The following SLIT3 variants were observed in gnomAD, a reference collection of about 807,000 sequenced individuals.
The protein encoded by SLIT3 is slit homolog 3 protein.
Under a neutral mutation model 184.0 loss-of-function variants are expected in SLIT3, and 68 were observed. The observed-to-expected ratio is 0.37, with a 90% CI of 0.30 to 0.45. The LOEUF (loss-of-function observed/expected upper bound fraction) is 0.45, where lower values mean the gene tolerates loss of function less well. Among genes scored for constraint, SLIT3 ranks in the 20% least tolerant of loss-of-function variants. SLIT3 has a pLI of 1.00. For missense variants in SLIT3, 1,707 were observed against 2,026.0 expected (o/e 0.84, Z 3.02); for synonymous variants, 831 against 828.6 (o/e 1.00, Z -0.05).
intron 1 of SLIT3, among the ~76,000 whole-genome samples, chr5:169,271,042 C>T (rs939497816): frequency 6.6e-6 from 1 of 152,194 alleles, no homozygotes; most frequent in African/African-American, 2.4e-5. Context: ...GGGCATCGTT[C>T]AACAGTATAC....
chr5:169,055,748 T>G (rs1757979131), intron 4 of SLIT3, among the ~76,000 whole-genome samples: 1 of 151,782 alleles, frequency 6.6e-6, no homozygotes, highest in Non-Finnish European at 1.5e-5. Context: ...AGAGAATGGT[T>G]TGAACCCGGG....
At chr5:168,686,946 C>G (rs762221414) in intron 30 of SLIT3, 33 bp downstream of exon 30, 1 of 1,604,164 alleles carries the variant, frequency 6.2e-7, no homozygotes, top group East Asian at 2.2e-5. Context: ...CTGGCCCAGG[C>G]TGTCTCCTTC....
intron 2 of SLIT3, among the ~76,000 whole-genome samples, chr5:169,249,584 T>C (rs1765706043): frequency 6.7e-6 from 1 of 149,986 alleles, no homozygotes; most frequent in African/African-American, 2.5e-5. Flanking sequence ...CTCTCACAGA[T>C]GCAGGGGAAA....
intron 30 of SLIT3, among the ~76,000 whole-genome samples, chr5:168,686,278 C>T (rs1036863831): frequency 6.6e-6 from 1 of 152,098 alleles, no homozygotes; most frequent in South Asian, 2.1e-4. Flanking sequence ...GTAGAGGTCC[C>T]TAAACTTCAG....
rs115492346 is a variant in SLIT3, at chr5:168,881,285, G to A, written c.485+1980C>T. 6.8e-3 allele frequency among the ~76,000 whole-genome samples: 1,037 copies of A among 152,268 alleles called. 12 individuals are homozygous for A. Among genetic ancestry groups the A allele is most frequent in the African/African-American group, 0.023 (975 of 41,532 alleles). ...ACCTTTCAAGTCCTGAGGCCTTTGC[G>A]TAGTTAGAGATATTGTAAGAGGGGA... On this transcript the variant is annotated intron_variant, in intron 5 of 35. Transcript: ENST00000519560.
chr5:168,828,764 C>G (rs1757786460), intron 6 of SLIT3, among the ~76,000 whole-genome samples: 1 of 152,032 alleles, frequency 6.6e-6, no homozygotes, highest in Non-Finnish European at 1.5e-5. Flanking sequence ...GAATCAGGAA[C>G]CCTGGGGTGG....
intron 3 of SLIT3, among the ~76,000 whole-genome samples, chr5:169,202,611 G>A (rs548724527): frequency 5.3e-5 from 8 of 152,284 alleles, no homozygotes; most frequent in African/African-American, 1.9e-4. Context: ...AGGGAGGATA[G>A]AAACAAGGAA....
At chr5:168,894,781 G>A (rs752665066) in intron 4 of SLIT3, among the ~76,000 whole-genome samples, 3 of 152,156 alleles carry the variant, frequency 2.0e-5, no homozygotes, top group Non-Finnish European at 2.9e-5. Flanking sequence ...GCCTGACAGC[G>A]TTTCATCTCC....
At chr5:169,204,000 T>A (rs1713519837) in intron 3 of SLIT3, among the ~76,000 whole-genome samples, 1 of 151,958 alleles carries the variant, frequency 6.6e-6, no homozygotes, top group African/African-American at 2.4e-5. Flanking sequence ...TAGAGAGATG[T>A]AGGTGGTAAT....
chr5:168,776,733 G>A (rs1328024352), intron 12 of SLIT3, among the ~76,000 whole-genome samples: 1 of 152,134 alleles, frequency 6.6e-6, no homozygotes, highest in East Asian at 1.9e-4. Flanking sequence ...GGCATTTGAA[G>A]GAAATGTGAT....
At chr5:168,883,166 G>T (rs1306147495) in intron 5 of SLIT3, 99 bp downstream of exon 5, 2 of 865,542 alleles carry the variant, frequency 2.3e-6, no homozygotes, top group East Asian at 4.9e-5. Context: ...CATCTCTGAA[G>T]GCACCTGGAC....
At chr5:169,134,627 C>T (rs1761432651) in intron 4 of SLIT3, among the ~76,000 whole-genome samples, 1 of 152,142 alleles carries the variant, frequency 6.6e-6, no homozygotes, top group Non-Finnish European at 1.5e-5. Context: ...GGAGGGATAG[C>T]ATTAGGAGAA....
chr5:168,726,424 G>A (rs1448752110), intron 20 of SLIT3, among the ~76,000 whole-genome samples: 1 of 58,918 alleles, frequency 1.7e-5, no homozygotes, highest in African/African-American at 6.9e-5. Context: ...GAGGGAGGCA[G>A]GGAGGAAGAG....
At chr5:169,014,807 T>G (rs1360630309) in intron 4 of SLIT3, among the ~76,000 whole-genome samples, 2 of 152,076 alleles carry the variant, frequency 1.3e-5, no homozygotes, top group Admixed American at 1.3e-4. Context: ...AAAAATTAGT[T>G]AGGCGTGGTG....
chr5:168,840,321 C>T (rs1029474404), intron 6 of SLIT3, among the ~76,000 whole-genome samples: 1 of 152,096 alleles, frequency 6.6e-6, no homozygotes, highest in African/African-American at 2.4e-5. Flanking sequence ...GGGACAATGT[C>T]CAAAAGTATT....
At chr5:169,010,426 C>T (rs2113453416) in intron 4 of SLIT3, among the ~76,000 whole-genome samples, 1 of 152,204 alleles carries the variant, frequency 6.6e-6, no homozygotes, top group East Asian at 1.9e-4. Context: ...AAGGGTAAGG[C>T]TAAAGTTGCC....
At chr5:169,299,435 C>A (rs931352276) in intron 1 of SLIT3, among the ~76,000 whole-genome samples, 2 of 152,052 alleles carry the variant, frequency 1.3e-5, no homozygotes, top group African/African-American at 2.4e-5. Flanking sequence ...AAGATCCAGG[C>A]GCCTACCCCT....
chr5:169,164,694 C>G (rs1762579660), intron 4 of SLIT3, among the ~76,000 whole-genome samples: 1 of 152,190 alleles, frequency 6.6e-6, no homozygotes, highest in South Asian at 2.1e-4. Flanking sequence ...CTATTGTTCT[C>G]TAGGTCCATG....
chr5:168,691,526 A>C (rs1761905205), intron 29 of SLIT3, among the ~76,000 whole-genome samples: 1 of 152,234 alleles, frequency 6.6e-6, no homozygotes, highest in Non-Finnish European at 1.5e-5. Context: ...CAGAGGCTGG[A>C]GATGCCACTG....
Sources: allele counts gnomAD v4.1 joint callset (sites outside exome capture counted in the v4.1 genomes callset), GRCh38; gene constraint gnomAD v4.1.1; transcripts MANE v1.5; gene names NCBI Gene and HGNC (gene_info 2026-07-23, HGNC 2026-07-21).